BBS9: variants seen among roughly 807,000 people sequenced by gnomAD.
The protein encoded by BBS9 is Bardet-Biedl syndrome 9.
In BBS9, 89 loss-of-function variants were observed where a neutral mutation model predicts 117.7. The ratio of observed to expected loss-of-function variants is 0.76; its 90% CI spans 0.64 to 0.90. The LOEUF is 0.90. BBS9 is among the 40% of genes least tolerant of loss of function. The pLI is 0.00. For synonymous variants in BBS9, 379 were observed against 370.9 expected, an observed-to-expected ratio of 1.02 and a Z score of -0.25; for missense variants, 982 against 1,042.2, an observed-to-expected ratio of 0.94 and a Z score of 0.80.
Position 33,129,794 on chromosome 7 carries a change from G to A in BBS9, c.-259G>A, listed in dbSNP as rs73095326. ...CGGGGGGCGCAGGGGAGCTTCTTGG[G>A]GGAATCACTCCAACTCTGTGGAGCT... On this transcript the variant is annotated 5_prime_UTR_variant, in exon 1 of 23. Coordinates refer to ENST00000242067, the MANE Select transcript of BBS9 (RefSeq NM_198428.3). 15,948 of 152,500 alleles carry A rather than the reference G, an allele frequency of 0.1. 1,159 individuals are homozygous for A. Among genetic ancestry groups the A allele is most frequent in the Non-Finnish European group, 0.16 (10,954 of 68,310 alleles). The allele number at this position is 152,500 out of a possible 1,614,324, so 9.4% of individuals were successfully genotyped here.
chr7:33,555,394 A>G (rs1462286853), intron 21 of BBS9, among the ~76,000 whole-genome samples: 2 of 152,206 alleles, frequency 1.3e-5, no homozygotes, highest in Admixed American at 6.5e-5. Flanking sequence ...AATGGTGAGC[A>G]AAGCAGGCTT....
chr7:33,333,422 G>A (rs1814572119), intron 9 of BBS9, among the ~76,000 whole-genome samples: 1 of 152,046 alleles, frequency 6.6e-6, no homozygotes. Flanking sequence ...TCCATGGTGT[G>A]TATACACATT....
intron 21 of BBS9, among the ~76,000 whole-genome samples, chr7:33,568,610 T>C (rs1857282352): frequency 6.6e-6 from 1 of 152,204 alleles, no homozygotes; most frequent in Non-Finnish European, 1.5e-5. Context: ...TGACAATTCC[T>C]TACTGTTTCC....
chr7:33,611,028 A>G (rs368001738), downstream of BBS9, among the ~76,000 whole-genome samples: 16 of 152,230 alleles, frequency 1.1e-4, no homozygotes, highest in East Asian at 3.1e-3. Context: ...GGTTTTAGAT[A>G]AAAAGTTCAC....
rs547778231 is a variant in BBS9 at position 33,483,760 on chromosome 7, A to G, written c.2116-21703A>G. On this transcript the variant is annotated intron_variant, in intron 19 of 22. Transcript: ENST00000242067. ...ATCCTCCCACCTCAGCCTCCTGAGT[A>G]GTTGAGACTACATCTACACGCCATG... 4.7e-4 allele frequency among the ~76,000 whole-genome samples: 71 copies of G among 152,030 alleles called. 1 individual carries two copies. Among genetic ancestry groups the G allele is most frequent in the Middle Eastern group, 6.8e-3 (2 of 294 alleles).
At position 33,257,379 on chromosome 7, in the gene BBS9, G is replaced by T. The variant is rs775560451; in HGVS notation, c.586G>T (p.Val196Phe). 6.2e-7 allele frequency: 1 copy of T among 1,613,828 alleles called. No homozygotes were observed. Among genetic ancestry groups the T allele is most frequent in the South Asian group, 1.1e-5 (1 of 91,060 alleles). The change falls in exon 6 of 23, where the codon GTC becomes TTC. Residue 196 changes from valine to phenylalanine, a missense_variant. Transcript: ENST00000242067. The stretch of plus-strand genomic sequence containing the variant: ...TTCCCGTACAGATTCCTTCCTTACT[G>T]TCTCTTCCTGCCAACAAGTGGAAAG... ...YSSRTDSFLT[V>F]SSCQQVESYK...
chr7:33,285,303 A>G (rs572340880), intron 9 of BBS9, among the ~76,000 whole-genome samples: 23 of 152,278 alleles, frequency 1.5e-4, no homozygotes, highest in African/African-American at 5.1e-4. Context: ...CTTGGCTTTC[A>G]TGGGTTCCTA....
intron 19 of BBS9, among the ~76,000 whole-genome samples, chr7:33,471,769 T>C (rs781778224): frequency 2.4e-4 from 36 of 152,210 alleles, no homozygotes; most frequent in Non-Finnish European, 4.6e-4. Context: ...AAAGGTTGGT[T>C]GTCAGCAAAC....
chr7:33,539,677 T>G (rs1851971725), intron 21 of BBS9, among the ~76,000 whole-genome samples: 1 of 152,244 alleles, frequency 6.6e-6, no homozygotes, highest in Non-Finnish European at 1.5e-5. Context: ...CAAGTTATTT[T>G]CATCAGAAAC....
intron 19 of BBS9, among the ~76,000 whole-genome samples, chr7:33,440,449 T>TG (rs1835992171): frequency 6.6e-6 from 1 of 152,190 alleles, no homozygotes; most frequent in Non-Finnish European, 1.5e-5. Flanking sequence ...GCATGACAGC[T>TG]GGGGGCATTC....
intron 21 of BBS9, among the ~76,000 whole-genome samples, chr7:33,571,232 C>G (rs1585304069): frequency 6.6e-6 from 1 of 152,046 alleles, no homozygotes; most frequent in Non-Finnish European, 1.5e-5. Flanking sequence ...TTCCTAAAAA[C>G]AAATACATAC....
intron 19 of BBS9, among the ~76,000 whole-genome samples, chr7:33,416,519 A>G (rs950096282): frequency 6.6e-6 from 1 of 152,052 alleles, no homozygotes; most frequent in African/African-American, 2.4e-5. Flanking sequence ...TACAGATCCC[A>G]AGGGGGCTCT....
At chr7:33,540,516 G>A (rs1232921967) in intron 21 of BBS9, among the ~76,000 whole-genome samples, 1 of 152,146 alleles carries the variant, frequency 6.6e-6, no homozygotes, top group Non-Finnish European at 1.5e-5. Flanking sequence ...TGGTGTCTGA[G>A]TCTCCTCTTG....
At chr7:33,265,714 A>G (rs1798694275) in intron 7 of BBS9, among the ~76,000 whole-genome samples, 1 of 152,072 alleles carries the variant, frequency 6.6e-6, no homozygotes, top group East Asian at 1.9e-4. Context: ...ATGGTGGCCC[A>G]TGCCTGTAGT....
At chr7:33,565,740 G>C (rs1354463327) in intron 21 of BBS9, among the ~76,000 whole-genome samples, 2 of 132,912 alleles carry the variant, frequency 1.5e-5, no homozygotes, top group Non-Finnish European at 1.6e-5. Context: ...TAGGGTTGAA[G>C]GCAGAGCCCA....
chr7:33,579,876 A>T (rs1055304598), intron 21 of BBS9, among the ~76,000 whole-genome samples: 1 of 152,182 alleles, frequency 6.6e-6, no homozygotes, highest in Non-Finnish European at 1.5e-5. Flanking sequence ...AAAAAATGTA[A>T]TCTATAATGT....
chr7:33,389,663 T>A (rs1309402317), intron 19 of BBS9, among the ~76,000 whole-genome samples: 1 of 130,226 alleles, frequency 7.7e-6, no homozygotes, highest in African/African-American at 3.0e-5. Flanking sequence ...CACTCCAGCC[T>A]GGGTGACAGA....
chr7:33,583,891 C>T (rs980236469), intron 21 of BBS9, among the ~76,000 whole-genome samples: 1 of 152,082 alleles, frequency 6.6e-6, no homozygotes, highest in African/African-American at 2.4e-5. Context: ...GATGTTGTTA[C>T]CAGTGTTGAA....
intron 2 of BBS9, among the ~76,000 whole-genome samples, chr7:33,151,450 C>T (rs959070253): frequency 1.3e-5 from 2 of 152,108 alleles, no homozygotes; most frequent in Non-Finnish European, 2.9e-5. Context: ...TTGAACTGAA[C>T]AAGCCTTTAG....
Sources: allele counts gnomAD v4.1 joint callset (sites outside exome capture counted in the v4.1 genomes callset), GRCh38; gene constraint gnomAD v4.1.1; transcripts MANE v1.5; gene names NCBI Gene and HGNC (gene_info 2026-07-23, HGNC 2026-07-21).